RANBP2: variants seen among roughly 807,000 people sequenced by gnomAD.
The protein encoded by RANBP2 is RAN binding protein 2, also known as E3 SUMO-protein ligase RanBP2.
A neutral mutation model predicts 303.6 loss-of-function variants in RANBP2; 57 were observed. That is an observed-to-expected ratio of 0.19 (90% CI 0.15 to 0.23). RANBP2 has a LOEUF of 0.23. Ranked by LOEUF, RANBP2 falls within the 10% of genes least tolerant of loss-of-function variation. The pLI, the probability that RANBP2 is intolerant of heterozygous loss-of-function variation, is 1.00. For missense variants in RANBP2, 3,138 were observed against 3,780.8 expected (o/e 0.83, Z 4.46); for synonymous variants, 1,167 against 1,301.5 (o/e 0.90, Z 2.23).
the RANBP2 span, among the ~76,000 whole-genome samples, chr2:108,843,108 T>C: frequency 6.6e-6 from 1 of 151,804 alleles, no homozygotes; most frequent in East Asian, 1.9e-4. Flanking sequence ...TCTTTCATTA[T>C]ATCCTATCTA....
At chr2:108,901,563 CAAGG>C in the RANBP2 span, among the ~76,000 whole-genome samples, 1 of 151,878 alleles carries the variant, frequency 6.6e-6, no homozygotes, top group South Asian at 2.1e-4. Context: ...ATATAACTGA[CAAGG>C]AAAAAATAGA....
At chr2:109,449,066 G>A in the RANBP2 span, 43 of 1,345,910 alleles carry the variant, frequency 3.2e-5, no homozygotes, top group Middle Eastern at 2.0e-4. Context: ...GAGAGGCTGT[G>A]AGTGCTCGAG....
At chr2:108,787,134 T>C (rs1678981594), downstream of RANBP2, among the ~76,000 whole-genome samples, 1 of 152,226 alleles carries the variant, frequency 6.6e-6, no homozygotes, top group African/African-American at 2.4e-5. Flanking sequence ...TCTGTGTTCC[T>C]GGTATACTGG....
chr2:109,639,446 C>T, the RANBP2 span, among the ~76,000 whole-genome samples: 1 of 151,874 alleles, frequency 6.6e-6, no homozygotes, highest in Admixed American at 6.6e-5. Context: ...TGGTGAAACC[C>T]CGTCTCTACT....
chr2:109,719,237 C>T, the RANBP2 span, among the ~76,000 whole-genome samples: 2 of 149,390 alleles, frequency 1.3e-5, no homozygotes, highest in South Asian at 2.1e-4. Flanking sequence ...GCTGGGATTA[C>T]AGGCATGCAC....
At chr2:109,242,593 A>G in the RANBP2 span, among the ~76,000 whole-genome samples, 10 of 152,108 alleles carry the variant, frequency 6.6e-5, no homozygotes, top group African/African-American at 2.4e-4. Flanking sequence ...GCCTAGCCCA[A>G]AGAGACCTCC....
chr2:109,285,988 A>T, the RANBP2 span, among the ~76,000 whole-genome samples: 2 of 152,154 alleles, frequency 1.3e-5, no homozygotes, highest in African/African-American at 4.8e-5. Flanking sequence ...CAGTTTGCCT[A>T]GGATAAGCCA....
At chr2:108,808,830 T>A in the RANBP2 span, among the ~76,000 whole-genome samples, 1 of 152,174 alleles carries the variant, frequency 6.6e-6, no homozygotes, top group African/African-American at 2.4e-5. Context: ...GTTTCCAATC[T>A]CATTTGTCTG....
At chr2:109,641,992 G>C in the RANBP2 span, among the ~76,000 whole-genome samples, 1 of 152,124 alleles carries the variant, frequency 6.6e-6, no homozygotes, top group East Asian at 1.9e-4. Flanking sequence ...TTTTAGTAGA[G>C]ACGGGGTTTC....
chr2:109,583,998 G>A, the RANBP2 span, among the ~76,000 whole-genome samples: 34 of 152,236 alleles, frequency 2.2e-4, no homozygotes, highest in African/African-American at 7.7e-4. Flanking sequence ...AGAGTGGGAA[G>A]GAAGATACCC....
At chr2:109,239,276 T>C in the RANBP2 span, among the ~76,000 whole-genome samples, 1 of 152,166 alleles carries the variant, frequency 6.6e-6, no homozygotes, top group Non-Finnish European at 1.5e-5. Flanking sequence ...ATTTGTTTTC[T>C]TGGGGGTCTC....
At chr2:109,550,111 A>G in the RANBP2 span, among the ~76,000 whole-genome samples, 1 of 151,636 alleles carries the variant, frequency 6.6e-6, no homozygotes, top group Non-Finnish European at 1.5e-5. Context: ...ACCAACATGG[A>G]GAAACCCCAT....
At chr2:109,488,983 C>T in the RANBP2 span, among the ~76,000 whole-genome samples, 1 of 152,182 alleles carries the variant, frequency 6.6e-6, no homozygotes, top group Non-Finnish European at 1.5e-5. Context: ...CAGAACTCCC[C>T]ATGGACTGTC....
chr2:109,729,402 T>G, the RANBP2 span, among the ~76,000 whole-genome samples: 1 of 152,296 alleles, frequency 6.6e-6, no homozygotes, highest in East Asian at 1.9e-4. Flanking sequence ...ACCCCAGCAC[T>G]TTGGGAGGCT....
chr2:109,297,490 C>T, the RANBP2 span, among the ~76,000 whole-genome samples: 1 of 152,194 alleles, frequency 6.6e-6, no homozygotes, highest in Admixed American at 6.5e-5. Flanking sequence ...CAGTGCTCCC[C>T]ACCAGACCAG....
At chr2:109,545,565 C>G in the RANBP2 span, 1 of 1,535,498 alleles carries the variant, frequency 6.5e-7, no homozygotes. Context: ...AAAATTCTCA[C>G]AAAATCAGTA....
the RANBP2 span, among the ~76,000 whole-genome samples, chr2:109,014,222 AT>A: frequency 2.0e-5 from 3 of 152,232 alleles, no homozygotes; most frequent in Admixed American, 6.5e-5. Context: ...CCCAACAGCC[AT>A]TACTTTAGGA....
the RANBP2 span, among the ~76,000 whole-genome samples, chr2:109,450,439 C>A: frequency 3.3e-5 from 5 of 152,116 alleles, no homozygotes; most frequent in Non-Finnish European, 7.3e-5. Flanking sequence ...GGATGAGAAT[C>A]CAGACTTCTA....
At chr2:109,632,535 C>T in the RANBP2 span, among the ~76,000 whole-genome samples, 22,148 of 152,232 alleles carry the variant, frequency 0.15, 2,114 homozygotes, top group Non-Finnish European at 0.22. Context: ...GATGTCCAGC[C>T]GGGCGCAGTG....
Sources: gnomAD v4.1 joint callset for allele counts (sites outside exome capture counted in the v4.1 genomes callset) on GRCh38, gnomAD v4.1.1 for gene constraint, MANE v1.5 for transcripts, NCBI Gene and HGNC (gene_info 2026-07-23, HGNC 2026-07-21) for gene names.